Variants in COL6A2 observed in about 807,000 individuals in gnomAD.
COL6A2 encodes collagen alpha-2(VI) chain.
Under a neutral mutation model 124.9 loss-of-function variants are expected in COL6A2, and 90 were observed. The ratio of observed to expected loss-of-function variants is 0.72; its 90% CI spans 0.61 to 0.86. COL6A2 has a LOEUF of 0.86. COL6A2 is among the 40% of genes least tolerant of loss of function. The pLI is 0.00. For synonymous variants in COL6A2, 793 were observed against 618.2 expected, an observed-to-expected ratio of 1.28 and a Z score of -4.19; for missense variants, 1,607 against 1,502.5, an observed-to-expected ratio of 1.07 and a Z score of -1.15.
chr21:46,129,722 GCT>G (rs756286497), intron 27 of COL6A2: 2 of 1,396,334 alleles, frequency 1.4e-6, no homozygotes, highest in South Asian at 1.7e-5. Context: ...TCCTGTGGCC[GCT>G]CTCTTTATAA....
rs114635388 is a variant in COL6A2, at chr21:46,109,908, T to C, written c.-27-1542T>C. On this transcript the variant is annotated intron_variant, in intron 1 of 27. Coordinates refer to ENST00000300527, the MANE Select transcript of COL6A2 (RefSeq NM_001849.4). ...CTGAAACTGCACCAGGAGTGGGGGC[T>C]GGCTCCTGCCTCCTCCATGGAGCAG... Among the ~76,000 whole-genome samples, 431 of 152,318 alleles carry C rather than the reference T, an allele frequency of 2.8e-3. 1 individual carries two copies. Among genetic ancestry groups the C allele is most frequent in the African/African-American group, 0.01 (417 of 41,576 alleles).
intron 13 of COL6A2, among the ~76,000 whole-genome samples, 154 bp downstream of exon 13, chr21:46,118,830 G>A (rs2078516950): frequency 1.3e-5 from 2 of 152,234 alleles, no homozygotes; most frequent in Non-Finnish European, 2.9e-5. Context: ...CAGGCCATGT[G>A]CCCTGAGCCA....
In COL6A2 at chr21:46,132,357, C is replaced by T. The variant is rs1296735093; in HGVS notation, c.2865C>T (p.Asp955=). The change falls in exon 28 of 28, where the codon GAC becomes GAT. Residue 955 remains aspartate, a synonymous_variant. Transcript: ENST00000300527. ...VFLTDGVTGN[D]SLHESAHSMR... ...TCACGGACGGCGTCACGGGCAACGACAGTCTGCACGAGTCGGCGCACTCCA... is the reference window on the plus strand; with the variant it reads ...TCACGGACGGCGTCACGGGCAACGATAGTCTGCACGAGTCGGCGCACTCCA... 3 of 1,608,848 alleles carry T rather than the reference C, an allele frequency of 1.9e-6. No homozygotes were observed. The highest frequency in any genetic ancestry group is 2.7e-5 in the African/African-American group (2 of 74,928).
rs1353129050 is a variant in COL6A2, at chr21:46,117,953, G to A, written c.1116+17G>A. ...GGCGGCAAGGTAAGTGGCCTTGTCAGGGTACGGGGCAGGCGGGGTCACCAG... is the reference window on the plus strand; with the variant it reads ...GGCGGCAAGGTAAGTGGCCTTGTCAAGGTACGGGGCAGGCGGGGTCACCAG... On this transcript the variant is annotated intron_variant, in intron 12 of 27. Coordinates refer to ENST00000300527, the MANE Select transcript of COL6A2 (RefSeq NM_001849.4). The A allele has an allele frequency of 1.2e-6, 2 of 1,610,734 alleles. No individual in the cohort carries two copies. Among genetic ancestry groups the A allele is most frequent in the Non-Finnish European group, 8.5e-7 (1 of 1,178,574 alleles).
At position 46,128,126 on chromosome 21, in the gene COL6A2, G is replaced by A. The variant is rs368645226; in HGVS notation, c.2461+1585G>A. Reference sequence around the variant, plus strand: ...GTGGCTCCTCCCCAGACGGTGACATGGAGTGAGCCCATTCTCCCTCCTGGG... The same window carrying A: ...GTGGCTCCTCCCCAGACGGTGACATAGAGTGAGCCCATTCTCCCTCCTGGG... On this transcript the variant is annotated intron_variant, in intron 27 of 27. Coordinates refer to ENST00000300527, the MANE Select transcript of COL6A2 (RefSeq NM_001849.4). Among the ~76,000 whole-genome samples, 3 of 152,328 alleles carry A rather than the reference G, an allele frequency of 2.0e-5. No homozygotes were observed. The East Asian group carries it at 5.8e-4, about 29-fold the overall frequency.
chr21:46,129,461 G>A, intron 27 of COL6A2: 5 of 1,600,534 alleles, frequency 3.1e-6, no homozygotes, highest in Non-Finnish European at 4.3e-6. Flanking sequence ...ACATCGTGGG[G>A]GACCCCGAGA....
chr21:46,116,331 C>G lies in COL6A2; in HGVS notation c.901-46C>G, dbSNP rs1336890020. 1 of 1,608,754 alleles carries G rather than the reference C, an allele frequency of 6.2e-7. No homozygotes were observed. The highest frequency in any genetic ancestry group is 1.7e-5 in the Admixed American group (1 of 59,946). ...AGGGCTGGCCCTTCCCTGCCTGTGT[C>G]TCTGCAGAGCTCCTCACTAATGCCC... On this transcript the variant is annotated intron_variant, in intron 7 of 27. Transcript: ENST00000300527. This position sits in a 1 kb window ranked among gnomAD's most constrained non-coding sequence, Gnocchi z 4.6.
rs966212477 is a variant in COL6A2, at chr21:46,132,743, C to G, written c.*191C>G. The G allele has an allele frequency of 2.9e-5, 18 of 621,574 alleles. No homozygotes were observed. In the South Asian group the frequency reaches 3.3e-4, roughly 11 times the overall value. The allele number at this position is 621,574 out of a possible 1,614,324, so 38.5% of individuals were successfully genotyped here. A position where few individuals can be genotyped will look rare whatever the true frequency, so the allele number is the denominator to read the frequency against. On this transcript the variant is annotated 3_prime_UTR_variant, in exon 28 of 28. Coordinates refer to ENST00000300527, the MANE Select transcript of COL6A2 (RefSeq NM_001849.4). ...CAGCCCCAGGTCTCCCCAGGCCCTC[C>G]GCAGGCTGCCCGGCCTCCCTCCCCC...
chr21:46,122,776 C>A, intron 20 of COL6A2, 99 bp from the exon 21 acceptor site: 2 of 1,282,130 alleles, frequency 1.6e-6, no homozygotes, highest in South Asian at 1.2e-5. Flanking sequence ...TTTAAAGGAC[C>A]CCAAAATGCC....
intron 21 of COL6A2, among the ~76,000 whole-genome samples, chr21:46,123,805 T>C (rs969720205): frequency 2.0e-5 from 3 of 147,328 alleles, no homozygotes; most frequent in African/African-American, 2.6e-5. Context: ...GATGGGTTAG[T>C]GGGTGGGTGG....
At chr21:46,123,820 A>ATGGG (rs1568937003) in intron 21 of COL6A2, among the ~76,000 whole-genome samples, 1 of 131,182 alleles carries the variant, frequency 7.6e-6, no homozygotes, top group Non-Finnish European at 1.6e-5. Context: ...GGGTGGATGA[A>ATGGG]TGGATGGGTG....
rs1188124198 is a variant in COL6A2, at chr21:46,130,170, A to C, written c.2462-1784A>C. Among the ~76,000 whole-genome samples, 4 of 152,196 alleles carry C rather than the reference A, an allele frequency of 2.6e-5. No individual in the cohort carries two copies. The East Asian group carries it at 7.7e-4, about 29-fold the overall frequency. ...ACGTATCTGGGCTGGTGTCATGCAC[A>C]GTAGGGCGAATGGCCACAGCTGCCT... is the stretch of plus-strand genomic sequence containing the variant. On this transcript the variant is annotated intron_variant, in intron 27 of 27. Transcript: ENST00000300527.
intron 21 of COL6A2, 45 bp downstream of exon 21, chr21:46,122,982 G>T: frequency 1.3e-6 from 2 of 1,585,624 alleles, no homozygotes; most frequent in Non-Finnish European, 1.7e-6. Context: ...GGCAGAGGCA[G>T]GGAGGGGCCC....
Position 46,132,716 on chromosome 21 carries a change from C to G in COL6A2, c.*164C>G. 1.4e-6 allele frequency: 1 copy of G among 713,166 alleles called. No individual in the cohort carries two copies. 44.2% of individuals were successfully genotyped at this position (713,166 alleles called of 1,614,324 possible). A position where few individuals can be genotyped will look rare whatever the true frequency, so the allele number is the denominator to read the frequency against. On this transcript the variant is annotated 3_prime_UTR_variant, in exon 28 of 28. Coordinates refer to ENST00000300527, the MANE Select transcript of COL6A2 (RefSeq NM_001849.4). ...GGGGTCCCCGTAGCCCCGGCCCCCGCCCAGCCCCAGGTCTCCCCAGGCCCT... is the reference window on the plus strand; with the variant it reads ...GGGGTCCCCGTAGCCCCGGCCCCCGGCCAGCCCCAGGTCTCCCCAGGCCCT...
chr21:46,123,064 C>T (rs550435391), intron 21 of COL6A2, 127 bp downstream of exon 21: 113 of 918,564 alleles, frequency 1.2e-4, no homozygotes, highest in Admixed American at 3.2e-4. Flanking sequence ...GAGCACCACC[C>T]CCACCTTCCT....
chr21:46,130,640 A>C (rs1196345592), intron 27 of COL6A2, among the ~76,000 whole-genome samples: 2 of 152,194 alleles, frequency 1.3e-5, no homozygotes, highest in Middle Eastern at 3.2e-3. Context: ...CAGGCCCCAC[A>C]GACACTGATG....
intron 27 of COL6A2, chr21:46,129,003 G>A (rs914964375): frequency 1.9e-6 from 3 of 1,605,836 alleles, no homozygotes; most frequent in Non-Finnish European, 2.5e-6. Flanking sequence ...CCAGCTTCCT[G>A]TCCCTGTGCT....
chr21:46,117,951 C>A lies in COL6A2; in HGVS notation c.1116+15C>A. ...AAGGCGGCAAGGTAAGTGGCCTTGT[C>A]AGGGTACGGGGCAGGCGGGGTCACC... On this transcript the variant is annotated intron_variant, in intron 12 of 27. Coordinates refer to ENST00000300527, the MANE Select transcript of COL6A2 (RefSeq NM_001849.4). 1 of 1,610,948 alleles carries A rather than the reference C, an allele frequency of 6.2e-7. No individual in the cohort carries two copies. The highest frequency in any genetic ancestry group is 1.1e-5 in the South Asian group (1 of 90,552).
At chr21:46,103,729 T>C (rs2078310142) in intron 1 of COL6A2, among the ~76,000 whole-genome samples, 1 of 152,250 alleles carries the variant, frequency 6.6e-6, no homozygotes, top group Admixed American at 6.5e-5. Flanking sequence ...TTTTTAACTT[T>C]ACTCCTTTGT....
Sources: gnomAD v4.1 joint callset for allele counts (sites outside exome capture counted in the v4.1 genomes callset) on GRCh38, gnomAD v4.1.1 for gene constraint, Gnocchi (gnomAD v3.1) non-coding constraint, MANE v1.5 for transcripts, NCBI Gene and HGNC (gene_info 2026-07-23, HGNC 2026-07-21) for gene names.